Variants in GPC5 observed in about 807,000 individuals in gnomAD.
GPC5 encodes the protein glypican 5, also known as glypican-5.
A neutral mutation model predicts 53.9 loss-of-function variants in GPC5; 47 were observed. The observed-to-expected ratio is 0.87, with a 90% CI of 0.69 to 1.11. The LOEUF is 1.11. GPC5 is among the 50% of genes most tolerant of loss of function. GPC5 has a pLI of 0.00. For synonymous variants in GPC5, 286 were observed against 263.3 expected (o/e 1.09, Z -0.84); for missense variants, 748 against 713.1 (o/e 1.05, Z -0.56).
chr13:92,334,883 C>T (rs1007845538), intron 7 of GPC5, among the ~76,000 whole-genome samples: 8 of 152,146 alleles, frequency 5.3e-5, no homozygotes, highest in Non-Finnish European at 8.8e-5. Context: ...TTGGGAAGCT[C>T]TGTCTCTATG....
intron 6 of GPC5, among the ~76,000 whole-genome samples, chr13:92,078,099 A>T (rs758483460): frequency 6.6e-6 from 1 of 152,200 alleles, no homozygotes; most frequent in African/African-American, 2.4e-5. Context: ...TATGAGAGAG[A>T]CAAGTGAGAT....
chr13:92,757,443 A>T (rs1427797994), intron 7 of GPC5, among the ~76,000 whole-genome samples: 2 of 152,236 alleles, frequency 1.3e-5, no homozygotes, highest in African/African-American at 4.8e-5. Flanking sequence ...TGTCTAAAAC[A>T]CCAAAAGCAA....
chr13:91,767,273 G>A (rs2037543209), intron 5 of GPC5, among the ~76,000 whole-genome samples: 1 of 152,138 alleles, frequency 6.6e-6, no homozygotes, highest in Non-Finnish European at 1.5e-5. Flanking sequence ...GTCTTAATGG[G>A]CAGTTCATCA....
intron 5 of GPC5, among the ~76,000 whole-genome samples, chr13:91,902,934 T>G (rs1223550872): frequency 3.9e-5 from 6 of 152,004 alleles, no homozygotes; most frequent in Admixed American, 6.6e-5. Context: ...GTAAACATAT[T>G]AAGAAAAAGA....
At chr13:92,143,742 A>G (rs1301675146) in intron 6 of GPC5, among the ~76,000 whole-genome samples, 1 of 152,160 alleles carries the variant, frequency 6.6e-6, no homozygotes, top group Non-Finnish European at 1.5e-5. Context: ...TTGTAACATG[A>G]TAAACATATT....
At chr13:91,851,897 T>C (rs905651395) in intron 5 of GPC5, among the ~76,000 whole-genome samples, 2 of 147,482 alleles carry the variant, frequency 1.4e-5, no homozygotes, top group African/African-American at 5.1e-5. Context: ...ATCCAGTCTA[T>C]CATTGTTGGA....
chr13:92,250,578 T>C (rs1443077635), intron 7 of GPC5, among the ~76,000 whole-genome samples: 1 of 152,104 alleles, frequency 6.6e-6, no homozygotes, highest in Non-Finnish European at 1.5e-5. Flanking sequence ...GGCCATTCCA[T>C]GGAGAGGCTC....
At chr13:92,286,224 AG>A (rs2042953551) in intron 7 of GPC5, among the ~76,000 whole-genome samples, 2 of 152,168 alleles carry the variant, frequency 1.3e-5, no homozygotes, top group African/African-American at 4.8e-5. Context: ...ATCATTAAAA[AG>A]TCAGGAAACA....
intron 2 of GPC5, among the ~76,000 whole-genome samples, chr13:91,610,981 A>C (rs2033529958): frequency 6.6e-6 from 1 of 152,204 alleles, no homozygotes; most frequent in South Asian, 2.1e-4. Flanking sequence ...AGGTCTTAAA[A>C]GTGACAGTTT....
At chr13:92,709,472 A>G (rs548982694) in intron 7 of GPC5, 1 of 152,314 alleles carries the variant, frequency 6.6e-6, no homozygotes, top group East Asian at 1.9e-4. Context: ...TATAGGAAGC[A>G]TATTTGTTTT....
chr13:91,509,069 G>GACTGGAATACCAGTTCACAGTTGAT (rs1885097296), intron 2 of GPC5, among the ~76,000 whole-genome samples: 1 of 152,122 alleles, frequency 6.6e-6, no homozygotes, highest in Non-Finnish European at 1.5e-5. Context: ...TTGAGACAAA[G>GACTGGAATACCAGTTCACAGTTGAT]ACTGGAATAC....
chr13:91,681,156 A>G (rs953167251), intron 2 of GPC5, among the ~76,000 whole-genome samples: 3 of 152,176 alleles, frequency 2.0e-5, no homozygotes, highest in African/African-American at 7.2e-5. Flanking sequence ...TAAATGTGAG[A>G]GCAATCGGCT....
intron 7 of GPC5, among the ~76,000 whole-genome samples, chr13:92,715,215 GA>G (rs897382223): frequency 7.2e-5 from 11 of 152,280 alleles, no homozygotes; most frequent in Admixed American, 1.3e-4. Context: ...ACAGGTTCCT[GA>G]AAAAAGACTT....
At chr13:91,423,273 C>G (rs776498144) in intron 1 of GPC5, among the ~76,000 whole-genome samples, 1 of 152,138 alleles carries the variant, frequency 6.6e-6, no homozygotes, top group Non-Finnish European at 1.5e-5. Context: ...GCTCATGTCT[C>G]AGCTTTTTAG....
intron 1 of GPC5, among the ~76,000 whole-genome samples, chr13:91,433,615 G>A (rs968894959): frequency 1.3e-5 from 2 of 152,112 alleles, no homozygotes; most frequent in African/African-American, 2.4e-5. Context: ...GGACATTTGG[G>A]TTGGTTCCAA....
At chr13:92,700,775 T>C (rs746806003) in intron 7 of GPC5, among the ~76,000 whole-genome samples, 2 of 152,100 alleles carry the variant, frequency 1.3e-5, no homozygotes, top group Admixed American at 6.6e-5. Context: ...AGATGTGTTT[T>C]CTTGCCTCAT....
chr13:91,875,905 A>C (rs1363170380), intron 5 of GPC5, among the ~76,000 whole-genome samples: 1 of 152,204 alleles, frequency 6.6e-6, no homozygotes, highest in Non-Finnish European at 1.5e-5. Flanking sequence ...TCTCCACCCA[A>C]GTCTCAACTT....
intron 6 of GPC5, among the ~76,000 whole-genome samples, chr13:92,050,182 T>C (rs2041015875): frequency 6.6e-6 from 1 of 152,232 alleles, no homozygotes; most frequent in Non-Finnish European, 1.5e-5. Context: ...TGGTACATCA[T>C]TCCAATGATT....
intron 7 of GPC5, among the ~76,000 whole-genome samples, chr13:92,724,578 A>G (rs903495604): frequency 3.3e-5 from 5 of 151,650 alleles, no homozygotes; most frequent in Non-Finnish European, 5.9e-5. Flanking sequence ...ACATGAACCT[A>G]GATAGAGGAC....
Sources: gnomAD v4.1 joint callset for allele counts (sites outside exome capture counted in the v4.1 genomes callset) on GRCh38, gnomAD v4.1.1 for gene constraint, MANE v1.5 for transcripts, NCBI Gene and HGNC (gene_info 2026-07-23, HGNC 2026-07-21) for gene names.